RAPGEF2: variants seen among roughly 807,000 people sequenced by gnomAD.
RAPGEF2 encodes Rap guanine nucleotide exchange factor 2.
A neutral mutation model predicts 186.7 loss-of-function variants in RAPGEF2; 54 were observed. The observed-to-expected ratio is 0.29, with a 90% CI of 0.23 to 0.36. RAPGEF2 has a LOEUF of 0.36. Ranked by LOEUF, RAPGEF2 falls within the 10% of genes least tolerant of loss-of-function variation. RAPGEF2 has a pLI of 1.00. For missense variants in RAPGEF2, 1,532 were observed against 2,045.0 expected (o/e 0.75, Z 4.84); for synonymous variants, 712 against 705.9 (o/e 1.01, Z -0.14).
chr4:159,337,038 A>G (rs1479040674), intron 17 of RAPGEF2, among the ~76,000 whole-genome samples: 1 of 152,176 alleles, frequency 6.6e-6, no homozygotes, highest in African/African-American at 2.4e-5. Context: ...AAATCTAGAA[A>G]TAGTTTTTAC....
At chr4:159,281,317 T>C (rs577586245) in intron 7 of RAPGEF2, among the ~76,000 whole-genome samples, 1 of 152,168 alleles carries the variant, frequency 6.6e-6, no homozygotes, top group East Asian at 1.9e-4. Flanking sequence ...AGTTATTGAT[T>C]TCTCCCTTCA....
intron 1 of RAPGEF2, among the ~76,000 whole-genome samples, chr4:159,112,779 A>T (rs549396965): frequency 3.5e-4 from 53 of 152,326 alleles, no homozygotes; most frequent in African/African-American, 1.1e-3. Context: ...ATGATGAAAA[A>T]TATCATCATA....
chr4:159,320,555 CT>C (rs1765118531), intron 9 of RAPGEF2, among the ~76,000 whole-genome samples: 1 of 152,072 alleles, frequency 6.6e-6, no homozygotes, highest in Non-Finnish European at 1.5e-5. Context: ...TGGACAGAAT[CT>C]TTGGGTACAC....
chr4:159,323,146 G>A (rs1579936773), intron 10 of RAPGEF2, among the ~76,000 whole-genome samples: 1 of 152,272 alleles, frequency 6.6e-6, no homozygotes, highest in East Asian at 1.9e-4. Flanking sequence ...TTGAGGCAAT[G>A]ATGATCATTT....
intron 7 of RAPGEF2, among the ~76,000 whole-genome samples, chr4:159,268,631 G>A (rs1757726163): frequency 1.3e-5 from 2 of 152,128 alleles, no homozygotes; most frequent in African/African-American, 4.8e-5. Flanking sequence ...GTGTAGGAGG[G>A]AGAGCTTTGG....
intron 15 of RAPGEF2, 36 bp downstream of exon 15, chr4:159,331,869 T>C (rs1561295269): frequency 6.3e-7 from 1 of 1,598,652 alleles, no homozygotes; most frequent in East Asian, 2.2e-5. Context: ...GGGTGAATTT[T>C]GGTGTCTGGT....
At chr4:159,239,451 G>A (rs1753687951) in intron 5 of RAPGEF2, among the ~76,000 whole-genome samples, 1 of 152,108 alleles carries the variant, frequency 6.6e-6, no homozygotes, top group Non-Finnish European at 1.5e-5. Flanking sequence ...ATTTTTTCAA[G>A]TTATTAAAAG....
chr4:159,143,502 A>G (rs1008673559), intron 1 of RAPGEF2, among the ~76,000 whole-genome samples: 3 of 152,200 alleles, frequency 2.0e-5, no homozygotes, highest in Non-Finnish European at 4.4e-5. Flanking sequence ...TCTCACAGCA[A>G]ATATTCCACC....
In RAPGEF2 at chr4:159,304,431, C is replaced by T; in HGVS notation, c.633C>T (p.Ile211=). Residue 211 remains isoleucine, a synonymous_variant, in exon 8 of 30, where the codon ATC becomes ATT. Transcript: ENST00000691494. ...HVSSSHSGCS[I]TSDSGSSSLS... Reference sequence around the variant, plus strand: ...CTTCTAGCCATTCAGGATGTAGTATCACTAGTGATTCTGGGAGCAGCAGTC... The same window carrying T: ...CTTCTAGCCATTCAGGATGTAGTATTACTAGTGATTCTGGGAGCAGCAGTC... 3 of 1,603,916 alleles carry T rather than the reference C, an allele frequency of 1.9e-6. No individual in the cohort carries two copies. Among genetic ancestry groups the T allele is most frequent in the Non-Finnish European group, 2.6e-6 (3 of 1,171,056 alleles).
At chr4:159,114,259 A>G (rs1738804776) in intron 1 of RAPGEF2, among the ~76,000 whole-genome samples, 4 of 151,866 alleles carry the variant, frequency 2.6e-5, no homozygotes. Context: ...GCACACCACC[A>G]TGCCCAGCTA....
intron 1 of RAPGEF2, among the ~76,000 whole-genome samples, chr4:159,165,029 C>T (rs1422720887): frequency 6.6e-6 from 1 of 152,122 alleles, no homozygotes; most frequent in Non-Finnish European, 1.5e-5. Flanking sequence ...AAAAAAATCT[C>T]ACACAAAGAG....
chr4:159,309,318 A>G (rs569737245), intron 8 of RAPGEF2, among the ~76,000 whole-genome samples: 14 of 152,188 alleles, frequency 9.2e-5, no homozygotes, highest in South Asian at 2.1e-4. Flanking sequence ...CTAGACGCCA[A>G]TTGAACCAAT....
At chr4:159,342,526 CTTTT>C (rs1325543525) in intron 20 of RAPGEF2, among the ~76,000 whole-genome samples, 2 of 108,682 alleles carry the variant, frequency 1.8e-5, no homozygotes, top group East Asian at 4.2e-4. Flanking sequence ...ACTATCATAG[CTTTT>C]ATTTTATTTT....
At chr4:159,323,718 TA>T in intron 11 of RAPGEF2, 101 bp downstream of exon 11, 7 of 707,886 alleles carry the variant, frequency 9.9e-6, no homozygotes, top group Admixed American at 4.9e-5. Context: ...ATCTTACAAA[TA>T]ATTTTTTTTT....
chr4:159,202,682 A>T (rs1369642553), intron 3 of RAPGEF2, among the ~76,000 whole-genome samples: 2 of 151,890 alleles, frequency 1.3e-5, no homozygotes, highest in East Asian at 3.9e-4. Flanking sequence ...GCCCACTGCA[A>T]CCTCCGCCTC....
chr4:159,319,902 G>T (rs146198606), intron 9 of RAPGEF2, among the ~76,000 whole-genome samples: 2 of 152,146 alleles, frequency 1.3e-5, no homozygotes, highest in Admixed American at 6.5e-5. Flanking sequence ...ACAAATACTT[G>T]TGAAGGTACT....
In RAPGEF2 at chr4:159,129,988, C is replaced by G. The variant is rs561073180; in HGVS notation, c.69+25757C>G. Among the ~76,000 whole-genome samples, 150 of 152,208 alleles carry G rather than the reference C, an allele frequency of 9.9e-4. 1 individual carries two copies. The highest frequency in any genetic ancestry group is 3.4e-3 in the African/African-American group (142 of 41,526). On this transcript the variant is annotated intron_variant, in intron 1 of 29. Coordinates refer to ENST00000691494, the MANE Select transcript of RAPGEF2 (RefSeq NM_001394067.2). ...AGGGGTGAATTATTTATGAGTTTTC[C>G]TGGAAAGGGGTGGGGATTTTCCCCA... is the stretch of plus-strand genomic sequence containing the variant.
intron 1 of RAPGEF2, among the ~76,000 whole-genome samples, chr4:159,148,520 T>A (rs1437527228): frequency 6.6e-6 from 1 of 152,210 alleles, no homozygotes; most frequent in African/African-American, 2.4e-5. Context: ...CTGATTTTAT[T>A]TCCGTTTTGC....
rs116222307 is a variant in RAPGEF2, at chr4:159,204,094, A to G, written c.198-6406A>G. Among the ~76,000 whole-genome samples, 420 of 152,370 alleles carry G rather than the reference A, an allele frequency of 2.8e-3. 2 individuals are homozygous for G. The highest frequency in any genetic ancestry group is 9.7e-3 in the African/African-American group (403 of 41,586). ...CTGATCCGATTTACCTGAGCAAATG[A>G]TCACTGAAATGTTTCCCAGCTTCTA... On this transcript the variant is annotated intron_variant, in intron 3 of 29. Coordinates refer to ENST00000691494, the MANE Select transcript of RAPGEF2 (RefSeq NM_001394067.2).
Sources: gnomAD v4.1 joint callset for allele counts (sites outside exome capture counted in the v4.1 genomes callset) on GRCh38, gnomAD v4.1.1 for gene constraint, MANE v1.5 for transcripts, NCBI Gene and HGNC (gene_info 2026-07-23, HGNC 2026-07-21) for gene names.